Variants in CREBL2 observed in about 807,000 individuals in gnomAD.
CREBL2 encodes the protein cAMP responsive element binding protein like 2.
A neutral mutation model predicts 19.5 loss-of-function variants in CREBL2; 4 were observed. That is an observed-to-expected ratio of 0.20 (90% CI 0.10 to 0.47). The LOEUF is 0.47. Among genes scored for constraint, CREBL2 ranks in the 20% least tolerant of loss-of-function variants. The pLI is 0.98. For missense variants in CREBL2, 85 were observed against 145.1 expected (o/e 0.59, Z 2.13); for synonymous variants, 42 against 46.6 (o/e 0.90, Z 0.40).
intron 3 of CREBL2, among the ~76,000 whole-genome samples, chr12:12,639,750 G>A (rs967558163): frequency 6.6e-6 from 1 of 152,198 alleles, no homozygotes; most frequent in Non-Finnish European, 1.5e-5. Flanking sequence ...AAGAGAGACA[G>A]TACAAAGAGA....
In CREBL2 at chr12:12,620,218, C is replaced by T. The variant is rs375773475; in HGVS notation, c.15+8031C>T. Reference sequence around the variant, plus strand: ...ATCTCTGACAGTAGACATTAATGTGCTTGCTTTCTTTTCTTTTCTTTTTCT... The same window carrying T: ...ATCTCTGACAGTAGACATTAATGTGTTTGCTTTCTTTTCTTTTCTTTTTCT... On this transcript the variant is annotated intron_variant, in intron 1 of 3. Transcript: ENST00000228865. Among the ~76,000 whole-genome samples, 35 of 146,990 alleles carry T rather than the reference C, an allele frequency of 2.4e-4. No homozygotes were observed. In the South Asian group the frequency reaches 6.6e-3, roughly 28 times the overall value.
chr12:12,639,800 T>C (rs1300139061), intron 3 of CREBL2, among the ~76,000 whole-genome samples: 2 of 152,206 alleles, frequency 1.3e-5, no homozygotes, highest in East Asian at 3.9e-4. Context: ...ACATCACATA[T>C]CGGTAGGACC....
chr12:12,614,181 CAG>C (rs945106898), intron 1 of CREBL2, among the ~76,000 whole-genome samples: 1 of 151,714 alleles, frequency 6.6e-6, no homozygotes, highest in Non-Finnish European at 1.5e-5. Flanking sequence ...TTCGTAGAGA[CAG>C]GGTTTCACCA....
chr12:12,624,846 A>G (rs1945388267), intron 1 of CREBL2, among the ~76,000 whole-genome samples: 2 of 152,198 alleles, frequency 1.3e-5, no homozygotes, highest in South Asian at 4.1e-4. Context: ...TCCAGGTAAA[A>G]TGAGGTCACA....
chr12:12,614,888 C>G, intron 1 of CREBL2: 1 of 189,804 alleles, frequency 5.3e-6, no homozygotes, highest in South Asian at 6.7e-5. Context: ...GATGGAGTCT[C>G]TCTCTGTCCC....
intron 1 of CREBL2, among the ~76,000 whole-genome samples, chr12:12,617,643 C>CTTTCTT (rs1945320970): frequency 2.6e-5 from 1 of 38,716 alleles, no homozygotes; most frequent in East Asian, 7.2e-4. Flanking sequence ...TTTAGTAATT[C>CTTTCTT]TTTTTTTTTT....
chr12:12,618,556 C>T lies in CREBL2; in HGVS notation c.15+6369C>T, dbSNP rs551509169. The stretch of plus-strand genomic sequence containing the variant: ...CTCCTCACTTCCCAGACTGGGCGGC[C>T]GGGCAGAGGGGCTCCTCACATCCCA... On this transcript the variant is annotated intron_variant, in intron 1 of 3. Transcript: ENST00000228865. Among the ~76,000 whole-genome samples the T allele has an allele frequency of 2.3e-4, 35 of 149,332 alleles. No homozygotes were observed. In the East Asian group the frequency reaches 3.2e-3, roughly 14 times the overall value.
intron 2 of CREBL2, 81 bp downstream of exon 2, chr12:12,636,055 T>A: frequency 7.8e-7 from 1 of 1,286,446 alleles, no homozygotes; most frequent in East Asian, 2.5e-5. Flanking sequence ...AAATACCAGT[T>A]ATCACCTGTC....
chr12:12,636,008 A>T, intron 2 of CREBL2, 34 bp downstream of exon 2: 1 of 1,563,918 alleles, frequency 6.4e-7, no homozygotes, highest in Non-Finnish European at 8.7e-7. Flanking sequence ...TGAAAAAATC[A>T]CCTTAACAGT....
chr12:12,629,739 G>A (rs1945428465), intron 1 of CREBL2, among the ~76,000 whole-genome samples: 1 of 152,020 alleles, frequency 6.6e-6, no homozygotes. Context: ...GTTAGCTGTG[G>A]GTTTTTTGTA....
chr12:12,623,573 C>T (rs1945378062), intron 1 of CREBL2, among the ~76,000 whole-genome samples: 2 of 152,060 alleles, frequency 1.3e-5, no homozygotes, highest in South Asian at 4.1e-4. Flanking sequence ...GGATGGGGTT[C>T]AGGCTGGTGG....
chr12:12,612,865 C>T (rs1945279096), intron 1 of CREBL2, among the ~76,000 whole-genome samples: 1 of 152,062 alleles, frequency 6.6e-6, no homozygotes, highest in Non-Finnish European at 1.5e-5. Context: ...CTATGTATAG[C>T]CTTTTTGTCT....
intron 1 of CREBL2, among the ~76,000 whole-genome samples, chr12:12,630,024 A>AT (rs1945431934): frequency 2.0e-5 from 3 of 151,930 alleles, no homozygotes; most frequent in Admixed American, 6.6e-5. Flanking sequence ...TTTATTGAGG[A>AT]TTTTTTGCAT....
At chr12:12,637,744 T>C (rs765610248) in intron 3 of CREBL2, 30 bp downstream of exon 3, 1 of 1,584,140 alleles carries the variant, frequency 6.3e-7, no homozygotes, top group Admixed American at 1.8e-5. Flanking sequence ...GAATTTATAT[T>C]TAAGAGAGTG....
intron 1 of CREBL2, among the ~76,000 whole-genome samples, chr12:12,619,004 A>G (rs10845594): frequency 0.89 from 136,036 of 152,072 alleles, 61,507 homozygotes; most frequent in Non-Finnish European, 0.96. Flanking sequence ...GTCCAGCCTC[A>G]GCTGGGCATC....
intron 1 of CREBL2, among the ~76,000 whole-genome samples, chr12:12,621,712 T>C (rs957613208): frequency 6.6e-6 from 1 of 152,096 alleles, no homozygotes; most frequent in Admixed American, 6.6e-5. Flanking sequence ...GTCAGTATCT[T>C]TCAGAGTGGA....
chr12:12,644,196 C>T lies in CREBL2; in HGVS notation c.*2198C>T, dbSNP rs1485143047. On this transcript the variant is annotated 3_prime_UTR_variant, in exon 4 of 4. Coordinates refer to ENST00000228865, the MANE Select transcript of CREBL2 (RefSeq NM_001310.4). ...AATTTATTTGAGGTTATTCCTAAAC[C>T]TATTTATTTGGTGTTTTGGAGGAGA... 1.3e-5 allele frequency: 2 copies of T among 152,172 alleles called. No homozygotes were observed. The highest frequency in any genetic ancestry group is 4.8e-5 in the African/African-American group (2 of 41,416). 9.4% of individuals were successfully genotyped at this position (152,172 alleles called of 1,614,324 possible).
At chr12:12,631,963 T>A (rs1945445167) in intron 1 of CREBL2, among the ~76,000 whole-genome samples, 1 of 151,556 alleles carries the variant, frequency 6.6e-6, no homozygotes, top group Non-Finnish European at 1.5e-5. Context: ...GGTTTATTAC[T>A]GAGAAAAAGT....
chr12:12,616,998 A>T (rs941003570), intron 1 of CREBL2, among the ~76,000 whole-genome samples: 1 of 152,222 alleles, frequency 6.6e-6, no homozygotes, highest in African/African-American at 2.4e-5. Context: ...GCCTCCCTTT[A>T]TAAAGATTTT....
Sources: gnomAD v4.1 joint callset for allele counts (sites outside exome capture counted in the v4.1 genomes callset) on GRCh38, gnomAD v4.1.1 for gene constraint, MANE v1.5 for transcripts, NCBI Gene and HGNC (gene_info 2026-07-23, HGNC 2026-07-21) for gene names.